The following XDH variants were observed in gnomAD, a reference collection of about 807,000 sequenced individuals.
XDH encodes the protein xanthine dehydrogenase/oxidase.
Under a neutral mutation model 156.1 loss-of-function variants are expected in XDH, and 138 were observed. That is an observed-to-expected ratio of 0.88 (90% CI 0.77 to 1.02). The LOEUF (loss-of-function observed/expected upper bound fraction) is 1.02. Among genes scored for constraint, XDH ranks in the 50% least tolerant of loss-of-function variants. The probability of loss-of-function intolerance (pLI) is 0.00; values close to 1 mark genes in which losing one functional copy is unlikely to be tolerated. For synonymous variants in XDH, 669 were observed against 625.7 expected (o/e 1.07, Z -1.03); for missense variants, 1,849 against 1,684.9 (o/e 1.10, Z -1.71).
chr2:31,370,298 A>T, intron 18 of XDH, 57 bp downstream of exon 18: 1 of 1,596,632 alleles, frequency 6.3e-7, no homozygotes, highest in South Asian at 1.1e-5. Flanking sequence ...CAATGTACAC[A>T]AATTAAAACT....
At chr2:31,337,891 A>C in intron 34 of XDH, 74 bp from the exon 35 acceptor site, 1 of 1,540,194 alleles carries the variant, frequency 6.5e-7, no homozygotes, top group Non-Finnish European at 8.8e-7. Context: ...TGGACCTAGG[A>C]GGCCAGGCAG....
At position 31,379,966 on chromosome 2, in the gene XDH, TCTC is replaced by T. The variant is rs776563267; in HGVS notation, c.1140_1142del (p.Arg381del). ...AGAAGGTGTGGTCCATCTGGACAGT[TCTC>T]CTGGTGCCTGTACAGAAGCAAGATG... is the stretch of plus-strand genomic sequence containing the variant. On this transcript the variant is annotated inframe_deletion, in exon 13 of 36. Coordinates refer to ENST00000379416, the MANE Select transcript of XDH (RefSeq NM_000379.4). 1.2e-6 allele frequency: 2 copies of T among 1,613,952 alleles called. No individual in the cohort carries two copies. The highest frequency in any genetic ancestry group is 3.3e-5 in the Admixed American group (2 of 60,010).
chr2:31,381,601 T>C, intron 12 of XDH, 32 bp downstream of exon 12: 2 of 1,610,768 alleles, frequency 1.2e-6, no homozygotes, highest in East Asian at 2.2e-5. Flanking sequence ...CCCCAAGTCC[T>C]TCTTCCTGGA....
intron 24 of XDH, among the ~76,000 whole-genome samples, chr2:31,350,616 C>T (rs1260879521): frequency 1.3e-5 from 2 of 151,958 alleles, no homozygotes; most frequent in African/African-American, 2.4e-5. Context: ...CCTCGTGATC[C>T]GCCCGCCTTG....
At chr2:31,347,740 T>G (rs1685340615) in intron 28 of XDH, 90 bp from the exon 29 acceptor site, 1 of 1,525,458 alleles carries the variant, frequency 6.6e-7, no homozygotes, top group Non-Finnish European at 8.9e-7. Context: ...CATTCACTGT[T>G]ACAGGCAAGA....
At chr2:31,382,966 C>T in intron 11 of XDH, 35 bp downstream of exon 11, 1 of 1,613,846 alleles carries the variant, frequency 6.2e-7, no homozygotes, top group Non-Finnish European at 8.5e-7. Context: ...AAAGCTCCAT[C>T]CTACGGGCCT....
In XDH at chr2:31,362,226, G is replaced by A. The variant is rs78097139; in HGVS notation, c.2631+1932C>T. Among the ~76,000 whole-genome samples, 833 of 152,282 alleles carry A rather than the reference G, an allele frequency of 5.5e-3. 7 individuals carry two copies. Among genetic ancestry groups the A allele is most frequent in the Non-Finnish European group, 5.2e-3 (353 of 68,028 alleles). ...CTATGTTCGAGGCACCATTGACTAT[G>A]ATTTGGGATCACAGGGGAGCAGATG... On this transcript the variant is annotated intron_variant, in intron 24 of 35. Coordinates refer to ENST00000379416, the MANE Select transcript of XDH (RefSeq NM_000379.4).
rs577716904 is a variant in XDH, at chr2:31,342,896, G to A, written c.3405-599C>T. ...TATACATTTTTAAAATTTTCAATCTGGAGTACCTTATACAATTCCACTTTT... is the reference window on the plus strand; with the variant it reads ...TATACATTTTTAAAATTTTCAATCTAGAGTACCTTATACAATTCCACTTTT... On this transcript the variant is annotated intron_variant, in intron 31 of 35. Coordinates refer to ENST00000379416, the MANE Select transcript of XDH (RefSeq NM_000379.4). Among the ~76,000 whole-genome samples, 81 of 152,218 alleles carry A rather than the reference G, an allele frequency of 5.3e-4. 2 individuals carry two copies. The South Asian group carries it at 0.017, about 32-fold the overall frequency.
chr2:31,366,009 A>C lies in XDH; in HGVS notation c.2423T>G (p.Val808Gly). The stretch of plus-strand genomic sequence containing the variant: ...AGCCAGGGCCACTGCCGTGGACACC[A>C]CAGTGCTCCGGGTCTCCTTGCCTCC... ...GFGGKETRST[V>G]VSTAVALAAY... Residue 808 changes from valine (V) to glycine (G), a missense_variant, in exon 22 of 36, where the codon GTG becomes GGG. Physicochemically the swap from Val to Gly is moderately radical, Grantham distance 109 (BLOSUM62 -3). Transcript: ENST00000379416. 6.2e-7 allele frequency: 1 copy of C among 1,614,152 alleles called. No homozygotes were observed. Among genetic ancestry groups the C allele is most frequent in the Non-Finnish European group, 8.5e-7 (1 of 1,180,014 alleles).
At position 31,337,715 on chromosome 2, in the gene XDH, C is replaced by T; in HGVS notation, c.3877G>A (p.Glu1293Lys). ...RAQHTGNNVK[E>K]LFRLDSPATP... Reference sequence around the variant, plus strand: ...GCAGGGCTGTCTAGCCGGAAGAGTTCCTTCACGTTATTACCTGTGTGCTGA... The same window carrying T: ...GCAGGGCTGTCTAGCCGGAAGAGTTTCTTCACGTTATTACCTGTGTGCTGA... The change falls in exon 35 of 36, where the codon GAA (glutamate) becomes AAA (lysine). Residue 1293 changes from glutamate to lysine, a missense_variant. Glu to Lys is a moderately conservative substitution (Grantham distance 56). Transcript: ENST00000379416. 1 of 1,614,216 alleles carries T rather than the reference C, an allele frequency of 6.2e-7. No homozygotes were observed. Among genetic ancestry groups the T allele is most frequent in the Non-Finnish European group, 8.5e-7 (1 of 1,180,034 alleles).
chr2:31,354,805 CCTAACA>C (rs1404785338), intron 24 of XDH, among the ~76,000 whole-genome samples: 1 of 151,908 alleles, frequency 6.6e-6, no homozygotes, highest in African/African-American at 2.4e-5. Flanking sequence ...TAACAAAAGA[CCTAACA>C]CTCATGCCAT....
intron 23 of XDH, 102 bp downstream of exon 23, chr2:31,365,355 A>T: frequency 8.2e-7 from 1 of 1,224,730 alleles, no homozygotes; most frequent in Non-Finnish European, 1.2e-6. Context: ...TTCTACAGAT[A>T]GGCAAAAAGT....
Position 31,383,152 on chromosome 2 carries a change from C to A in XDH, c.887G>T (p.Gly296Val). The change falls in exon 11 of 36, where the codon GGT (glycine) becomes GTT (valine). Residue 296 changes from glycine to valine, a missense_variant and splice_region_variant. By Grantham distance (109) the Gly-to-Val change is moderately radical. Transcript: ENST00000379416. ...GGGGCAAGCAGCTCCAAAGGAGATA[C>A]CTGGGAACGCACGTTCGGAATCACA... ...ELNSVEHGPD[G>V]ISFGAACPLS... 2 of 1,614,176 alleles carry A rather than the reference C, an allele frequency of 1.2e-6. No individual in the cohort carries two copies. Among genetic ancestry groups the A allele is most frequent in the Admixed American group, 1.7e-5 (1 of 60,026 alleles).
chr2:31,344,621 G>T, intron 31 of XDH, 63 bp downstream of exon 31: 1 of 1,589,678 alleles, frequency 6.3e-7, no homozygotes, highest in Non-Finnish European at 8.6e-7. Flanking sequence ...CGGTGCTGGA[G>T]TGGACCAGTG....
Position 31,401,293 on chromosome 2 carries a change from C to G in XDH, c.233G>C (p.Cys78Ser), listed in dbSNP as rs764137598. 1 of 1,614,194 alleles carries G rather than the reference C, an allele frequency of 6.2e-7. No individual in the cohort carries two copies. The highest frequency in any genetic ancestry group is 1.7e-5 in the Admixed American group (1 of 60,012). ...TGTCACTGCAACATGGTGCAAGGAG[C>G]AGATGGGGGCCAGGCAGGCATTGGC... Reference protein sequence around the residue: ...FSANACLAPICSLHHVAVTTV... With the variant: ...FSANACLAPISSLHHVAVTTV... The change falls in exon 4 of 36, where the codon TGC becomes TCC. Residue 78 changes from cysteine (C) to serine (S), a missense_variant. Cys to Ser is a moderately radical substitution (Grantham distance 112, BLOSUM62 -1). Transcript: ENST00000379416.
intron 6 of XDH, among the ~76,000 whole-genome samples, chr2:31,393,986 G>C (rs1377493572): frequency 2.6e-5 from 4 of 151,618 alleles, no homozygotes; most frequent in African/African-American, 9.7e-5. Context: ...TTATACACAA[G>C]CACATATATA....
chr2:31,379,726 C>T, intron 13 of XDH, 141 bp downstream of exon 13: 3 of 881,462 alleles, frequency 3.4e-6, no homozygotes, highest in South Asian at 1.4e-5. Context: ...TCAACAGAGG[C>T]AAAGTTCAGA....
chr2:31,362,035 A>G (rs1336288523), intron 24 of XDH, among the ~76,000 whole-genome samples: 1 of 139,798 alleles, frequency 7.2e-6, no homozygotes, highest in Non-Finnish European at 1.5e-5. Flanking sequence ...TATAATGAGT[A>G]TATACTTGCT....
At chr2:31,397,134 C>A (rs1686931607) in intron 6 of XDH, among the ~76,000 whole-genome samples, 1 of 152,116 alleles carries the variant, frequency 6.6e-6, no homozygotes, top group Non-Finnish European at 1.5e-5. Flanking sequence ...TAATCAATGC[C>A]CACACATCCG....
Sources: gnomAD v4.1 joint callset for allele counts (sites outside exome capture counted in the v4.1 genomes callset) on GRCh38, gnomAD v4.1.1 for gene constraint, MANE v1.5 for transcripts, NCBI Gene and HGNC (gene_info 2026-07-23, HGNC 2026-07-21) for gene names.